ADAMTS3: variants seen among roughly 807,000 people sequenced by gnomAD.
ADAMTS3 encodes the protein ADAM metallopeptidase with thrombospondin type 1 motif 3, also known as A disintegrin and metalloproteinase with thrombospondin motifs 3.
A neutral mutation model predicts 129.0 loss-of-function variants in ADAMTS3; 73 were observed. The observed-to-expected ratio is 0.57, with a 90% CI of 0.47 to 0.69. The LOEUF (loss-of-function observed/expected upper bound fraction) is 0.69. ADAMTS3 is among the 30% of genes least tolerant of loss of function. ADAMTS3 has a pLI of 0.00. For missense variants in ADAMTS3, 1,457 were observed against 1,514.5 expected (o/e 0.96, Z 0.63); for synonymous variants, 477 against 510.8 (o/e 0.93, Z 0.89).
At chr4:72,364,678 C>T (rs573605079) in intron 4 of ADAMTS3, among the ~76,000 whole-genome samples, 2 of 151,170 alleles carry the variant, frequency 1.3e-5, no homozygotes, top group Non-Finnish European at 1.5e-5. Context: ...GAGTTATGTG[C>T]AATTTCTCAA....
In ADAMTS3 at chr4:72,414,984, CAAAATGTGTTAATTTAAA is replaced by C. The variant is rs773879424; in HGVS notation, c.505-31_505-14del. On this transcript the variant is annotated splice_polypyrimidine_tract_variant and intron_variant, in intron 3 of 21. Coordinates refer to ENST00000286657, the MANE Select transcript of ADAMTS3 (RefSeq NM_014243.3). ...TTATCATTCCAGCCTAGAGAAAGCA[CAAAATGTGTTAATTTAAA>C]AAAGAAATATCTATCATCTTCAGCT... 1.4e-6 allele frequency: 2 copies of C among 1,447,480 alleles called. No homozygotes were observed. The highest frequency in any genetic ancestry group is 2.9e-5 in the African/African-American group (2 of 67,984). 89.7% of individuals were successfully genotyped at this position (1,447,480 alleles called of 1,614,324 possible). A position where few individuals can be genotyped will look rare whatever the true frequency, so the allele number is the denominator to read the frequency against.
intron 3 of ADAMTS3, among the ~76,000 whole-genome samples, chr4:72,476,450 C>T (rs902616261): frequency 1.3e-5 from 2 of 151,956 alleles, no homozygotes; most frequent in Admixed American, 1.3e-4. Context: ...TCCTTGTAAC[C>T]AATAAGGTAA....
At position 72,363,747 on chromosome 4, in the gene ADAMTS3, AT is replaced by A. The variant is rs769077462; in HGVS notation, c.662-24055del. On this transcript the variant is annotated intron_variant, in intron 4 of 21. Coordinates refer to ENST00000286657, the MANE Select transcript of ADAMTS3 (RefSeq NM_014243.3). The stretch of plus-strand genomic sequence containing the variant: ...CCTCATACCAAACGTTATAAAAAAA[AT>A]ACCTATATAAAGACTTAAATAGGAA... Among the ~76,000 whole-genome samples, 8 of 152,070 alleles carry A rather than the reference AT, an allele frequency of 5.3e-5. No homozygotes were observed. The East Asian group carries it at 9.7e-4, about 18-fold the overall frequency.
intron 3 of ADAMTS3, among the ~76,000 whole-genome samples, chr4:72,524,107 C>T (rs952779275): frequency 1.1e-4 from 16 of 152,130 alleles, no homozygotes; most frequent in African/African-American, 3.9e-4. Flanking sequence ...CTTTTAGCTT[C>T]CTTTGTTCTG....
intron 4 of ADAMTS3, among the ~76,000 whole-genome samples, chr4:72,412,259 A>G (rs1425437654): frequency 6.6e-6 from 1 of 152,108 alleles, no homozygotes; most frequent in African/African-American, 2.4e-5. Context: ...TCATTAAGAA[A>G]GACCTCATAT....
Position 72,339,575 on chromosome 4 carries a change from T to C in ADAMTS3, c.780A>G (p.Val260=). The C allele has an allele frequency of 1.2e-6, 2 of 1,614,014 alleles. No homozygotes were observed. The highest frequency in any genetic ancestry group is 1.7e-6 in the Non-Finnish European group (2 of 1,179,904). Residue 260 remains valine, a synonymous_variant, in exon 5 of 22, where the codon GTA becomes GTG. Coordinates refer to ENST00000286657, the MANE Select transcript of ADAMTS3 (RefSeq NM_014243.3). The part of the protein sequence containing the change: ...HAGENDYNIE[V]LLGVDDSVVR... ...CCACAGAGTCATCCACTCCCAGCAG[T>C]ACCTCGATATTGTAATCGTTTTCTC... is the stretch of plus-strand genomic sequence containing the variant.
chr4:72,555,140 G>T (rs200512428), intron 2 of ADAMTS3, among the ~76,000 whole-genome samples: 1 of 151,796 alleles, frequency 6.6e-6, no homozygotes, highest in Admixed American at 6.5e-5. Context: ...CCTAAAATTT[G>T]CTTAAAGACC....
chr4:72,348,593 T>C (rs1720347159), intron 4 of ADAMTS3, among the ~76,000 whole-genome samples: 1 of 152,048 alleles, frequency 6.6e-6, no homozygotes, highest in African/African-American at 2.4e-5. Context: ...TGTTATGTTA[T>C]ATGGTACAAT....
At chr4:72,505,236 T>C (rs149235500) in intron 3 of ADAMTS3, among the ~76,000 whole-genome samples, 128 of 152,274 alleles carry the variant, frequency 8.4e-4, no homozygotes, top group African/African-American at 2.8e-3. Flanking sequence ...TTTTTTCTTT[T>C]TCTCTATAAT....
chr4:72,422,106 C>T (rs1722461649), intron 3 of ADAMTS3, among the ~76,000 whole-genome samples: 1 of 152,112 alleles, frequency 6.6e-6, no homozygotes. Context: ...AAATGACTTA[C>T]AGGAATAAGT....
In ADAMTS3 at chr4:72,382,460, G is replaced by A. The variant is rs955546645; in HGVS notation, c.661+32355C>T. Among the ~76,000 whole-genome samples the A allele has an allele frequency of 3.9e-5, 6 of 152,020 alleles. No homozygotes were observed. The East Asian group carries it at 1.2e-3, about 29-fold the overall frequency. On this transcript the variant is annotated intron_variant, in intron 4 of 21. Coordinates refer to ENST00000286657, the MANE Select transcript of ADAMTS3 (RefSeq NM_014243.3). ...GAATGTAAATTTGGTCAACCCCCAT[G>A]GAAGACAGTATAGAGATTTCTCAAA...
rs113350841 is a variant in ADAMTS3 at position 72,324,865 on chromosome 4, T to A, written c.862-1768A>T. 1.6e-3 allele frequency among the ~76,000 whole-genome samples: 241 copies of A among 152,168 alleles called. 2 individuals are homozygous for A. The highest frequency in any genetic ancestry group is 5.6e-3 in the African/African-American group (233 of 41,534). On this transcript the variant is annotated intron_variant, in intron 5 of 21. Coordinates refer to ENST00000286657, the MANE Select transcript of ADAMTS3 (RefSeq NM_014243.3). Reference sequence around the variant, plus strand: ...AGAAAATGTGTCTTATAAAGAAGGGTTGGGGATACATAATGGTTAAAAGCC... The same window carrying A: ...AGAAAATGTGTCTTATAAAGAAGGGATGGGGATACATAATGGTTAAAAGCC...
At chr4:72,467,203 C>G (rs189825629) in intron 3 of ADAMTS3, among the ~76,000 whole-genome samples, 2 of 152,034 alleles carry the variant, frequency 1.3e-5, no homozygotes, top group Non-Finnish European at 2.9e-5. Context: ...TTATTTCTAA[C>G]TGCCAAGTCT....
chr4:72,350,201 A>G (rs766999610), intron 4 of ADAMTS3, among the ~76,000 whole-genome samples: 30 of 152,060 alleles, frequency 2.0e-4, no homozygotes, highest in Non-Finnish European at 4.1e-4. Context: ...CTAAGGAATA[A>G]AATATGCCAG....
At chr4:72,552,500 C>T (rs1350273057) in intron 2 of ADAMTS3, among the ~76,000 whole-genome samples, 8 of 152,152 alleles carry the variant, frequency 5.3e-5, no homozygotes, top group African/African-American at 1.9e-4. Flanking sequence ...GCCGTAAGTT[C>T]CACAGGCACA....
chr4:72,429,308 A>G (rs574224365), intron 3 of ADAMTS3, among the ~76,000 whole-genome samples: 169 of 152,176 alleles, frequency 1.1e-3, no homozygotes, highest in African/African-American at 3.9e-3. Flanking sequence ...AGTAAGTCCT[A>G]TATACATTTC....
intron 3 of ADAMTS3, among the ~76,000 whole-genome samples, chr4:72,416,303 C>G (rs1722304590): frequency 6.6e-6 from 1 of 151,750 alleles, no homozygotes; most frequent in Non-Finnish European, 1.5e-5. Context: ...ACTTCTACAC[C>G]TGGGTATAGT....
chr4:72,549,786 A>G (rs1325254259), intron 2 of ADAMTS3, among the ~76,000 whole-genome samples: 3 of 151,558 alleles, frequency 2.0e-5, no homozygotes, highest in Non-Finnish European at 4.4e-5. Flanking sequence ...GAATTTCACA[A>G]TTAGCACTTA....
At chr4:72,294,236 G>A (rs942875443) in intron 19 of ADAMTS3, among the ~76,000 whole-genome samples, 1 of 152,050 alleles carries the variant, frequency 6.6e-6, no homozygotes, top group Non-Finnish European at 1.5e-5. Flanking sequence ...TCCATATGTG[G>A]AATCTATAAA....
Sources: allele counts gnomAD v4.1 joint callset (sites outside exome capture counted in the v4.1 genomes callset), GRCh38; gene constraint gnomAD v4.1.1; transcripts MANE v1.5; gene names NCBI Gene and HGNC (gene_info 2026-07-23, HGNC 2026-07-21).